Variants in UGT1A9 observed in about 807,000 individuals in gnomAD.
UGT1A9 encodes the protein UDP-glucuronosyltransferase 1A9.
In UGT1A9, 35 loss-of-function variants were observed where a neutral mutation model predicts 45.0. That is an observed-to-expected ratio of 0.78 (90% CI 0.59 to 1.03). UGT1A9 has a LOEUF of 1.03. Ranked by LOEUF, UGT1A9 falls within the 50% of genes least tolerant of loss-of-function variation. The pLI is 0.00. For synonymous variants in UGT1A9, 278 were observed against 250.6 expected (o/e 1.11, Z -1.03); for missense variants, 687 against 666.6 (o/e 1.03, Z -0.34).
intron 1 of UGT1A9, among the ~76,000 whole-genome samples, chr2:233,746,867 A>G (rs1013887537): frequency 6.6e-6 from 1 of 151,064 alleles, no homozygotes; most frequent in Non-Finnish European, 1.5e-5. Context: ...CAGCCTGATA[A>G]ACGTGGTTAA....
intron 1 of UGT1A9, among the ~76,000 whole-genome samples, chr2:233,679,700 C>G (rs892784889): frequency 1.3e-5 from 2 of 152,128 alleles, no homozygotes; most frequent in Non-Finnish European, 1.5e-5. Flanking sequence ...GGCTGGTTCT[C>G]CTGTTATCTG....
At chr2:233,729,039 C>T (rs2077779281) in intron 1 of UGT1A9, 1 of 1,604,830 alleles carries the variant, frequency 6.2e-7, no homozygotes, top group Non-Finnish European at 8.5e-7. Context: ...TGCTAAGTGG[C>T]TCAGTGACAA....
chr2:233,760,803 G>T lies in UGT1A9; in HGVS notation c.856-6231G>T, dbSNP rs748734877. 2.5e-6 allele frequency: 4 copies of T among 1,613,224 alleles called. No individual in the cohort carries two copies. The highest frequency in any genetic ancestry group is 3.3e-5 in the Admixed American group (2 of 59,970). ...TGTCTCTGCCCACTGTATTCTTCTT[G>T]CATGCACTGCCATGCAGCCTGGAAT... On this transcript the variant is annotated intron_variant, in intron 1 of 4. Transcript: ENST00000354728.
intron 1 of UGT1A9, among the ~76,000 whole-genome samples, chr2:233,756,943 A>G (rs1162189517): frequency 6.6e-6 from 1 of 152,066 alleles, no homozygotes; most frequent in Non-Finnish European, 1.5e-5. Context: ...CATAACCTGA[A>G]ACCCGGACTT....
chr2:233,711,834 C>T (rs1439514867), intron 1 of UGT1A9, among the ~76,000 whole-genome samples: 7 of 152,150 alleles, frequency 4.6e-5, no homozygotes, highest in African/African-American at 1.2e-4. Context: ...GACAAGGAGG[C>T]GTCAGCAATC....
At chr2:233,695,862 A>G (rs1251510641) in intron 1 of UGT1A9, among the ~76,000 whole-genome samples, 2 of 152,224 alleles carry the variant, frequency 1.3e-5, no homozygotes, top group East Asian at 3.8e-4. Context: ...CTCACTCAAC[A>G]ACAAACAACG....
intron 1 of UGT1A9, among the ~76,000 whole-genome samples, chr2:233,716,580 T>G (rs997790116): frequency 6.6e-6 from 1 of 152,228 alleles, no homozygotes; most frequent in Non-Finnish European, 1.5e-5. Flanking sequence ...AACAATACTT[T>G]CAAAGAGCAA....
intron 1 of UGT1A9, among the ~76,000 whole-genome samples, chr2:233,749,222 T>C (rs1694145273): frequency 6.6e-6 from 1 of 151,946 alleles, no homozygotes; most frequent in Non-Finnish European, 1.5e-5. Context: ...CACTCTAAGC[T>C]TCATTTTTTA....
rs45488098 is a variant in UGT1A9, at chr2:233,674,892, T to C, written c.855+2103T>C. On this transcript the variant is annotated intron_variant, in intron 1 of 4. Coordinates refer to ENST00000354728, the MANE Select transcript of UGT1A9 (RefSeq NM_021027.3). ...CAGAAGGATGGACACTTCATATTGCTCCTTCCTTGTTTCAGATGCCAGGAT... is the reference window on the plus strand; with the variant it reads ...CAGAAGGATGGACACTTCATATTGCCCCTTCCTTGTTTCAGATGCCAGGAT... Among the ~76,000 whole-genome samples the C allele has an allele frequency of 2.2e-3, 331 of 152,322 alleles. 1 individual carries two copies. The highest frequency in any genetic ancestry group is 4.0e-3 in the Non-Finnish European group (271 of 68,022).
At chr2:233,719,278 C>T (rs769049134) in intron 1 of UGT1A9, 1 of 1,614,106 alleles carries the variant, frequency 6.2e-7, no homozygotes, top group South Asian at 1.1e-5. Context: ...TTAACAGACC[C>T]CGTTAACCTC....
intron 1 of UGT1A9, among the ~76,000 whole-genome samples, chr2:233,688,986 C>G (rs531917825): frequency 6.6e-6 from 1 of 152,328 alleles, no homozygotes; most frequent in South Asian, 2.1e-4. Flanking sequence ...CCCTTCATCC[C>G]TATGTCCCAG....
At chr2:233,693,537 T>C (rs559606091) in intron 1 of UGT1A9, 4 of 1,614,218 alleles carry the variant, frequency 2.5e-6, no homozygotes, top group South Asian at 2.2e-5. Context: ...CCGTGTTCCC[T>C]GGAGCATACA....
At chr2:233,739,701 C>T (rs1691179218) in intron 1 of UGT1A9, among the ~76,000 whole-genome samples, 1 of 152,172 alleles carries the variant, frequency 6.6e-6, no homozygotes, top group Non-Finnish European at 1.5e-5. Flanking sequence ...ATTTTACAGG[C>T]TCATGGGGGA....
intron 1 of UGT1A9, chr2:233,743,046 AG>A: frequency 3.1e-6 from 1 of 319,454 alleles, no homozygotes; most frequent in Non-Finnish European, 6.1e-6. Context: ...CTATCCGTGT[AG>A]TCCCAACGAT....
intron 1 of UGT1A9, among the ~76,000 whole-genome samples, chr2:233,720,965 C>T (rs921825655): frequency 2.6e-5 from 4 of 151,612 alleles, no homozygotes; most frequent in Admixed American, 6.6e-5. Flanking sequence ...CCCGCCTCGG[C>T]CTCCCAAAGT....
intron 1 of UGT1A9, among the ~76,000 whole-genome samples, chr2:233,744,802 A>T (rs1263878691): frequency 6.6e-6 from 1 of 151,904 alleles, no homozygotes; most frequent in Non-Finnish European, 1.5e-5. Context: ...GGGGATCCCT[A>T]GGATTTCCTG....
intron 1 of UGT1A9, among the ~76,000 whole-genome samples, chr2:233,730,722 G>C (rs2078066355): frequency 6.6e-6 from 1 of 152,104 alleles, no homozygotes; most frequent in Admixed American, 6.6e-5. Flanking sequence ...AAATTATCAA[G>C]AAATGGCGGA....
At chr2:233,678,400 G>T (rs1384108264) in intron 1 of UGT1A9, among the ~76,000 whole-genome samples, 1 of 152,176 alleles carries the variant, frequency 6.6e-6, no homozygotes, top group African/African-American at 2.4e-5. Flanking sequence ...AGGAGGAGTA[G>T]ATGTTGATTT....
At chr2:233,751,255 T>G (rs977070137) in intron 1 of UGT1A9, among the ~76,000 whole-genome samples, 1 of 151,972 alleles carries the variant, frequency 6.6e-6, no homozygotes, top group Non-Finnish European at 1.5e-5. Context: ...GCATGGGGCC[T>G]GTAGCCCCCT....
Sources: gnomAD v4.1 joint callset for allele counts (sites outside exome capture counted in the v4.1 genomes callset) on GRCh38, gnomAD v4.1.1 for gene constraint, MANE v1.5 for transcripts, NCBI Gene and HGNC (gene_info 2026-07-23, HGNC 2026-07-21) for gene names.